Variants in RPS6KC1 observed in about 807,000 individuals in gnomAD.
RPS6KC1 encodes the protein inactive ribosomal protein S6 kinase delta-1.
RPS6KC1 carries 54 observed loss-of-function variants against 103.8 expected under a neutral mutation model. The observed-to-expected ratio is 0.52, with a 90% CI of 0.42 to 0.65. RPS6KC1 has a LOEUF of 0.65. Ranked by LOEUF, RPS6KC1 falls within the 30% of genes least tolerant of loss-of-function variation. RPS6KC1 has a pLI of 0.00. For synonymous variants in RPS6KC1, 439 were observed against 438.7 expected (o/e 1.00, Z -0.01); for missense variants, 1,151 against 1,253.8 (o/e 0.92, Z 1.24).
the RPS6KC1 span, among the ~76,000 whole-genome samples, chr1:213,681,654 T>C: frequency 2.6e-5 from 4 of 152,076 alleles, no homozygotes; most frequent in African/African-American, 9.7e-5. Flanking sequence ...AAAAATTAGC[T>C]GGGCATCATG....
chr1:213,539,552 G>A, the RPS6KC1 span, among the ~76,000 whole-genome samples: 2 of 152,206 alleles, frequency 1.3e-5, no homozygotes, highest in Non-Finnish European at 2.9e-5. Context: ...GAGATGGGAG[G>A]CAGATGCACA....
At chr1:213,143,476 C>G (rs1403566827) in intron 6 of RPS6KC1, among the ~76,000 whole-genome samples, 1 of 151,552 alleles carries the variant, frequency 6.6e-6, no homozygotes, top group Non-Finnish European at 1.5e-5. Flanking sequence ...CTTTCTCATT[C>G]TACTTACATG....
chr1:213,630,455 T>C, the RPS6KC1 span, among the ~76,000 whole-genome samples: 1 of 152,224 alleles, frequency 6.6e-6, no homozygotes, highest in Non-Finnish European at 1.5e-5. Context: ...CTTCTCTGCA[T>C]TGGTTATTCT....
intron 10 of RPS6KC1, 89 bp downstream of exon 10, chr1:213,232,344 A>G (rs1464883878): frequency 2.0e-6 from 3 of 1,516,904 alleles, no homozygotes; most frequent in African/African-American, 1.4e-5. Flanking sequence ...AGCAGATAGA[A>G]TATATGAAAC....
At chr1:213,503,763 G>A in the RPS6KC1 span, among the ~76,000 whole-genome samples, 56 of 152,310 alleles carry the variant, frequency 3.7e-4, no homozygotes, top group African/African-American at 1.3e-3. Context: ...TCCAGCATTA[G>A]TAAGGATATG....
the RPS6KC1 span, among the ~76,000 whole-genome samples, chr1:213,354,655 A>G: frequency 6.6e-6 from 1 of 152,208 alleles, no homozygotes; most frequent in Admixed American, 6.5e-5. Context: ...AAGGCAGTGC[A>G]GGACAACACA....
At chr1:213,384,233 G>T in the RPS6KC1 span, among the ~76,000 whole-genome samples, 1 of 151,870 alleles carries the variant, frequency 6.6e-6, no homozygotes, top group Non-Finnish European at 1.5e-5. Context: ...CTGAGACCAT[G>T]CCACTGCACT....
the RPS6KC1 span, among the ~76,000 whole-genome samples, chr1:213,805,401 T>TA: frequency 0.087 from 13,255 of 152,262 alleles, 956 homozygotes; most frequent in East Asian, 0.21. Context: ...TGTAACATTC[T>TA]AATCCTTTGT....
the RPS6KC1 span, among the ~76,000 whole-genome samples, chr1:213,773,770 A>G: frequency 7.9e-5 from 12 of 152,152 alleles, no homozygotes; most frequent in African/African-American, 2.4e-4. Flanking sequence ...TGATTAGATG[A>G]CACTCACCCA....
the RPS6KC1 span, among the ~76,000 whole-genome samples, chr1:213,551,542 A>G: frequency 1.3e-5 from 2 of 152,156 alleles, no homozygotes; most frequent in African/African-American, 4.8e-5. Context: ...ATGTATGTAT[A>G]TATATGTATT....
the RPS6KC1 span, among the ~76,000 whole-genome samples, chr1:213,626,057 G>C: frequency 6.6e-6 from 1 of 152,184 alleles, no homozygotes; most frequent in Non-Finnish European, 1.5e-5. Context: ...CAGTGTAAAA[G>C]TGTTCCTATT....
At chr1:213,170,434 C>T (rs2091380990) in intron 7 of RPS6KC1, among the ~76,000 whole-genome samples, 1 of 152,180 alleles carries the variant, frequency 6.6e-6, no homozygotes, top group Admixed American at 6.5e-5. Context: ...TAGAATCAAA[C>T]TAGATATACT....
chr1:213,410,245 G>A, the RPS6KC1 span, among the ~76,000 whole-genome samples: 3 of 152,232 alleles, frequency 2.0e-5, no homozygotes, highest in Non-Finnish European at 4.4e-5. Context: ...AGACAGGAGA[G>A]GGGGAAAGTG....
downstream of RPS6KC1, among the ~76,000 whole-genome samples, chr1:213,278,990 G>A (rs1397235211): frequency 3.9e-5 from 6 of 152,160 alleles, no homozygotes; most frequent in East Asian, 1.9e-4. Context: ...AAAGCTATGC[G>A]TATTCTGTTT....
At chr1:213,228,471 A>C (rs1462088546) in intron 8 of RPS6KC1, among the ~76,000 whole-genome samples, 1 of 152,084 alleles carries the variant, frequency 6.6e-6, no homozygotes, top group Non-Finnish European at 1.5e-5. Context: ...CTGTAATCTC[A>C]GCACTTTGAG....
the RPS6KC1 span, among the ~76,000 whole-genome samples, chr1:213,387,554 T>A: frequency 6.6e-6 from 1 of 152,222 alleles, no homozygotes; most frequent in African/African-American, 2.4e-5. Context: ...CTTTACTCTC[T>A]TTTCCTGAAA....
At position 213,215,333 on chromosome 1, in the gene RPS6KC1, G is replaced by C. The variant is rs769771876; in HGVS notation, c.1045-15164G>C. Among the ~76,000 whole-genome samples, 39 of 152,266 alleles carry C rather than the reference G, an allele frequency of 2.6e-4. 1 individual carries two copies. Among genetic ancestry groups the C allele is most frequent in the Non-Finnish European group, 4.4e-4 (30 of 68,014 alleles). ...TGAGAAGAGAAGTTTAGAGAAAAAAGAATAAAAAGAAACGAACAAAGCCTC... is the reference window on the plus strand; with the variant it reads ...TGAGAAGAGAAGTTTAGAGAAAAAACAATAAAAAGAAACGAACAAAGCCTC... On this transcript the variant is annotated intron_variant, in intron 8 of 14. Transcript: ENST00000366960.
At chr1:213,518,182 G>A in the RPS6KC1 span, among the ~76,000 whole-genome samples, 28 of 152,192 alleles carry the variant, frequency 1.8e-4, no homozygotes, top group African/African-American at 3.1e-4. Flanking sequence ...CTATGTTGTC[G>A]TCATAATGGG....
downstream of RPS6KC1, among the ~76,000 whole-genome samples, chr1:213,274,924 C>T (rs1192472435): frequency 6.6e-6 from 1 of 152,116 alleles, no homozygotes; most frequent in African/African-American, 2.4e-5. Context: ...TTCGGCACCT[C>T]AAATGGAAAC....
Sources: gnomAD v4.1 joint callset for allele counts (sites outside exome capture counted in the v4.1 genomes callset) on GRCh38, gnomAD v4.1.1 for gene constraint, MANE v1.5 for transcripts, NCBI Gene and HGNC (gene_info 2026-07-23, HGNC 2026-07-21) for gene names.